Variants in PSMA8 observed in about 807,000 individuals in gnomAD.
PSMA8 encodes proteasome subunit alpha-type 8.
A neutral mutation model predicts 32.4 loss-of-function variants in PSMA8; 18 were observed. That is an observed-to-expected ratio of 0.56 (90% CI 0.38 to 0.82). The LOEUF (loss-of-function observed/expected upper bound fraction) is 0.82, where lower values mean the gene tolerates loss of function less well. PSMA8 is among the 40% of genes least tolerant of loss of function. The probability of loss-of-function intolerance (pLI) is 0.00; values close to 1 mark genes in which losing one functional copy is unlikely to be tolerated. For synonymous variants in PSMA8, 104 were observed against 98.1 expected (o/e 1.06, Z -0.36); for missense variants, 298 against 300.7 (o/e 0.99, Z 0.07).
At chr18:26,159,033 G>A (rs2055114217) in intron 4 of PSMA8, among the ~76,000 whole-genome samples, 1 of 152,016 alleles carries the variant, frequency 6.6e-6, no homozygotes, top group African/African-American at 2.4e-5. Context: ...ACATGCCAGA[G>A]AAACCTAGCT....
chr18:26,177,832 T>A (rs28533098), intron 4 of PSMA8, among the ~76,000 whole-genome samples: 1 of 152,118 alleles, frequency 6.6e-6, no homozygotes, highest in Non-Finnish European at 1.5e-5. Context: ...GTCATTTTTT[T>A]CCCCTCTCTT....
chr18:26,152,328 G>T (rs1322124383), intron 3 of PSMA8, among the ~76,000 whole-genome samples: 4 of 151,764 alleles, frequency 2.6e-5, no homozygotes, highest in African/African-American at 4.8e-5. Flanking sequence ...TTTTGTTTTT[G>T]TTTTTGTGTT....
At chr18:26,188,109 A>C (rs1230376292) in intron 6 of PSMA8, among the ~76,000 whole-genome samples, 5 of 152,152 alleles carry the variant, frequency 3.3e-5, no homozygotes, top group Non-Finnish European at 7.4e-5. Flanking sequence ...TGGAAAAAAA[A>C]AACTAGAAAT....
chr18:26,146,178 T>C (rs2055001642), intron 2 of PSMA8, among the ~76,000 whole-genome samples: 1 of 151,688 alleles, frequency 6.6e-6, no homozygotes, highest in African/African-American at 2.4e-5. Flanking sequence ...TTTTTTTTTT[T>C]CCTCATCTTC....
chr18:26,159,606 A>G (rs2055119280), intron 4 of PSMA8, among the ~76,000 whole-genome samples: 1 of 151,988 alleles, frequency 6.6e-6, no homozygotes, highest in South Asian at 2.1e-4. Context: ...TCGTAACACA[A>G]CATTTTCCAG....
At chr18:26,140,084 G>A (rs558786949) in intron 1 of PSMA8, 2 of 702,992 alleles carry the variant, frequency 2.8e-6, no homozygotes, top group East Asian at 2.7e-5. Flanking sequence ...TTGTGGCCTG[G>A]CATGGATGTC....
intron 6 of PSMA8, among the ~76,000 whole-genome samples, chr18:26,183,529 G>T (rs1446158945): frequency 6.6e-6 from 1 of 150,878 alleles, no homozygotes; most frequent in Non-Finnish European, 1.5e-5. Context: ...GGTACAAATA[G>T]CAAGAGAACT....
chr18:26,184,809 G>A lies in PSMA8; in HGVS notation c.660+5679G>A, dbSNP rs1270650722. Among the ~76,000 whole-genome samples, 31 of 146,784 alleles carry A rather than the reference G, an allele frequency of 2.1e-4. 1 individual carries two copies. Among genetic ancestry groups the A allele is most frequent in the African/African-American group, 7.1e-4 (28 of 39,560 alleles). ...AAAAAAAAAGTTGTTTTTGGCAGCCGGGCACAGTGGCTCATGCATGTAATC... is the reference window on the plus strand; with the variant it reads ...AAAAAAAAAGTTGTTTTTGGCAGCCAGGCACAGTGGCTCATGCATGTAATC... On this transcript the variant is annotated intron_variant, in intron 6 of 6. Coordinates refer to ENST00000415576, the MANE Select transcript of PSMA8 (RefSeq NM_001025096.2).
intron 1 of PSMA8, among the ~76,000 whole-genome samples, chr18:26,143,284 T>C (rs2054974193): frequency 6.6e-6 from 1 of 152,142 alleles, no homozygotes; most frequent in African/African-American, 2.4e-5. Flanking sequence ...CAAAGATGTG[T>C]GCGTTAGGTT....
chr18:26,181,452 C>T (rs1334383283), intron 6 of PSMA8, among the ~76,000 whole-genome samples: 2 of 152,012 alleles, frequency 1.3e-5, no homozygotes, highest in Admixed American at 6.6e-5. Flanking sequence ...ATTAATAACC[C>T]GATAAGGGCC....
At chr18:26,157,280 C>T (rs145549374) in intron 3 of PSMA8, among the ~76,000 whole-genome samples, 54 of 151,694 alleles carry the variant, frequency 3.6e-4, no homozygotes, top group African/African-American at 8.7e-4. Flanking sequence ...AGACCGGGCG[C>T]GGTGGCTCAT....
chr18:26,154,778 A>G (rs749234517), intron 3 of PSMA8, among the ~76,000 whole-genome samples: 30 of 151,978 alleles, frequency 2.0e-4, no homozygotes, highest in Admixed American at 9.2e-4. Flanking sequence ...CACTACGCCC[A>G]GCTAATTTTT....
At chr18:26,149,560 C>A (rs1461764580) in intron 2 of PSMA8, among the ~76,000 whole-genome samples, 1 of 152,130 alleles carries the variant, frequency 6.6e-6, no homozygotes, top group Non-Finnish European at 1.5e-5. Context: ...AAAATAGTTT[C>A]ATGACTGGCT....
At chr18:26,156,460 T>C (rs1183750793) in intron 3 of PSMA8, among the ~76,000 whole-genome samples, 3 of 152,046 alleles carry the variant, frequency 2.0e-5, no homozygotes, top group Admixed American at 6.6e-5. Context: ...AGATACACAA[T>C]TGAATACTAC....
At position 26,161,996 on chromosome 18, in the gene PSMA8, T is replaced by C. The variant is rs79529036; in HGVS notation, c.477+3752T>C. Among the ~76,000 whole-genome samples, 799 of 152,310 alleles carry C rather than the reference T, an allele frequency of 5.2e-3. 6 individuals carry two copies. The highest frequency in any genetic ancestry group is 0.018 in the African/African-American group (742 of 41,554). ...AAACACTCATTTTTAGATTTTTTTC[T>C]TTATACATTTTTGTACTGAAGAAGA... On this transcript the variant is annotated intron_variant, in intron 4 of 6. Coordinates refer to ENST00000415576, the MANE Select transcript of PSMA8 (RefSeq NM_001025096.2).
intron 4 of PSMA8, among the ~76,000 whole-genome samples, chr18:26,168,488 G>GC (rs2055197310): frequency 1.5e-5 from 1 of 67,688 alleles, no homozygotes; most frequent in Non-Finnish European, 2.7e-5. Context: ...CTTTCCCCTT[G>GC]TTTTTTTTTT....
At chr18:26,178,785 A>T in intron 4 of PSMA8, 45 bp from the exon 5 acceptor site, 2 of 1,565,584 alleles carry the variant, frequency 1.3e-6, no homozygotes, top group Non-Finnish European at 1.7e-6. Context: ...CCATAAATTC[A>T]TTCCTACTGC....
intron 1 of PSMA8, among the ~76,000 whole-genome samples, chr18:26,138,626 A>C (rs796714564): frequency 6.6e-6 from 1 of 152,182 alleles, no homozygotes; most frequent in Non-Finnish European, 1.5e-5. Flanking sequence ...TATTTTCCAA[A>C]TATTTCTCAG....
chr18:26,158,055 C>A, intron 3 of PSMA8, 67 bp from the exon 4 acceptor site: 3 of 1,107,726 alleles, frequency 2.7e-6, no homozygotes, highest in Non-Finnish European at 2.6e-6. Flanking sequence ...GGCAGCAATG[C>A]TTTATTATTA....
Sources: allele counts gnomAD v4.1 joint callset (sites outside exome capture counted in the v4.1 genomes callset), GRCh38; gene constraint gnomAD v4.1.1; transcripts MANE v1.5; gene names NCBI Gene and HGNC (gene_info 2026-07-23, HGNC 2026-07-21).